SULT1A1: variants seen among roughly 807,000 people sequenced by gnomAD.
SULT1A1 encodes the protein sulfotransferase family 1A member 1.
In SULT1A1, 35 loss-of-function variants were observed where a neutral mutation model predicts 36.8. The ratio of observed to expected loss-of-function variants is 0.95; its 90% CI spans 0.73 to 1.26. SULT1A1 has a LOEUF of 1.26. Ranked by LOEUF, SULT1A1 falls within the 50% of genes most tolerant of loss-of-function variation. SULT1A1 has a pLI of 0.00. For synonymous variants in SULT1A1, 119 were observed against 146.0 expected (o/e 0.82, Z 1.33); for missense variants, 309 against 383.0 (o/e 0.81, Z 1.61).
At chr16:28,619,132 C>A (rs187222379) in intron 2 of SULT1A1, among the ~76,000 whole-genome samples, 150 of 152,244 alleles carry the variant, frequency 9.9e-4, no homozygotes, top group Non-Finnish European at 1.0e-3. Flanking sequence ...CCTGCCTCAG[C>A]CTACTGAGTA....
chr16:28,605,474 G>T lies in SULT1A1; in HGVS notation c.*347C>A, dbSNP rs1596620569. 27 of 403,006 alleles carry T rather than the reference G, an allele frequency of 6.7e-5. No individual in the cohort carries two copies. Among genetic ancestry groups the T allele is most frequent in the South Asian group, 6.3e-4 (27 of 42,886 alleles). 25.0% of individuals were successfully genotyped at this position (403,006 alleles called of 1,614,324 possible). ...TTTTGTAGGGATGATGTCTTGTAAT[G>T]TTGAACAGGCTGGTCCCAAACTCCT... On this transcript the variant is annotated 3_prime_UTR_variant, in exon 8 of 8. Coordinates refer to ENST00000314752, the MANE Select transcript of SULT1A1 (RefSeq NM_001055.4).
intron 1 of SULT1A1, chr16:28,609,472 A>C: frequency 8.4e-7 from 1 of 1,184,116 alleles, no homozygotes; most frequent in Non-Finnish European, 1.1e-6. Context: ...ATGACTCAGC[A>C]AAAGCACAGG....
rs774603473 is a variant in SULT1A1, at chr16:28,606,079, C to T, written c.752G>A (p.Ser251Asn). ...ACCTTTCCTCATGAAGGGGGAGATGCTGTGGTCCATGAACTCCTGGGGGAC... is the reference window on the plus strand; with the variant it reads ...ACCTTTCCTCATGAAGGGGGAGATGTTGTGGTCCATGAACTCCTGGGGGAC... Reference protein sequence around the residue: ...TTVPQEFMDHSISPFMRKGMA... With the variant: ...TTVPQEFMDHNISPFMRKGMA... The change falls in exon 7 of 8, where the codon AGC becomes AAC. Residue 251 changes from serine to asparagine, a missense_variant. Around this residue, in one of 3 missense-constraint regions of SULT1A1, gnomAD observed 67 missense variants for 122.0 expected, o/e 0.55. Transcript: ENST00000314752. 8.8e-6 allele frequency: 13 copies of T among 1,474,302 alleles called. 1 individual carries two copies. Among genetic ancestry groups the T allele is most frequent in the Non-Finnish European group, 1.2e-5 (13 of 1,092,388 alleles). The allele number at this position is 1,474,302 out of a possible 1,614,324, so 91.3% of individuals were successfully genotyped here. A position where few individuals can be genotyped will look rare whatever the true frequency, so the allele number is the denominator to read the frequency against.
At chr16:28,621,837 A>T in intron 1 of SULT1A1, among the ~76,000 whole-genome samples, 1 of 152,074 alleles carries the variant, frequency 6.6e-6, no homozygotes, top group Non-Finnish European at 1.5e-5. Context: ...GGCCACAGGG[A>T]CCCTCCTGTG....
At chr16:28,621,169 C>T (rs1228807863) in intron 1 of SULT1A1, among the ~76,000 whole-genome samples, 1 of 150,908 alleles carries the variant, frequency 6.6e-6, no homozygotes, top group Non-Finnish European at 1.5e-5. Context: ...TAGTTGTTTC[C>T]TCATTTGTAA....
intron 1 of SULT1A1, among the ~76,000 whole-genome samples, chr16:28,621,293 CA>C (rs990625975): frequency 1.3e-4 from 20 of 151,472 alleles, no homozygotes; most frequent in African/African-American, 4.1e-4. Flanking sequence ...ACGACCCTGG[CA>C]AACATGGTGA....
At chr16:28,606,466 C>T (rs1246219108) in intron 6 of SULT1A1, among the ~76,000 whole-genome samples, 1 of 151,850 alleles carries the variant, frequency 6.6e-6, no homozygotes, top group East Asian at 1.9e-4. Context: ...CCGTGATGGT[C>T]TTCTTCTGTG....
At chr16:28,616,628 G>T (rs1179986407) in intron 2 of SULT1A1, among the ~76,000 whole-genome samples, 4 of 151,944 alleles carry the variant, frequency 2.6e-5, no homozygotes, top group Non-Finnish European at 5.9e-5. Context: ...TTGCTATGTT[G>T]CCCAAGCTGG....
At chr16:28,617,529 G>GTTTCT (rs928946797) in intron 2 of SULT1A1, among the ~76,000 whole-genome samples, 3 of 151,646 alleles carry the variant, frequency 2.0e-5, no homozygotes, top group Non-Finnish European at 4.4e-5. Context: ...CTGGAAGACA[G>GTTTCT]TTTCTTTTCT....
chr16:28,610,661 T>C (rs1292499390), upstream of SULT1A1: 1 of 160,010 alleles, frequency 6.2e-6, no homozygotes, highest in Non-Finnish European at 1.4e-5. Context: ...CCCAGCTTCA[T>C]GGCTCCTGGG....
chr16:28,606,224 C>T lies in SULT1A1; in HGVS notation c.607G>A (p.Glu203Lys). Reference sequence around the variant, plus strand: ...ACAAACTCCAGGATCTTTTGAATCTCCCTTTTCGGGTTCTGAGCAGCAGAG... The same window carrying T: ...ACAAACTCCAGGATCTTTTGAATCTTCCTTTTCGGGTTCTGAGCAGCAGAG... Reference protein sequence around the residue: ...YEDMKENPKREIQKILEFVGR... With the variant: ...YEDMKENPKRKIQKILEFVGR... Residue 203 changes from glutamate to lysine, a missense_variant, in exon 7 of 8, where the codon GAG (glutamate) becomes AAG (lysine). Glu to Lys is a moderately conservative substitution (Grantham distance 56, BLOSUM62 1). Around this residue, in one of 3 missense-constraint regions of SULT1A1, gnomAD observed 219 missense variants for 215.3 expected, o/e 1.02. Coordinates refer to ENST00000314752, the MANE Select transcript of SULT1A1 (RefSeq NM_001055.4). The T allele has an allele frequency of 6.2e-7, 1 of 1,610,126 alleles. No homozygotes were observed. Among genetic ancestry groups the T allele is most frequent in the Non-Finnish European group, 8.5e-7 (1 of 1,177,206 alleles).
chr16:28,605,604 G>T lies in SULT1A1; in HGVS notation c.*217C>A, dbSNP rs1207212575. On this transcript the variant is annotated 3_prime_UTR_variant, in exon 8 of 8. Coordinates refer to ENST00000314752, the MANE Select transcript of SULT1A1 (RefSeq NM_001055.4). ...ATATTTTATTCTCTTTTTAAAAATT[G>T]GTTTTATTTTATTTTATTTTTTTAA... 8 of 789,478 alleles carry T rather than the reference G, an allele frequency of 1.0e-5. No individual in the cohort carries two copies. In the South Asian group the frequency reaches 1.5e-4, roughly 15 times the overall value. 48.9% of individuals were successfully genotyped at this position (789,478 alleles called of 1,614,324 possible).
chr16:28,609,528 C>G, intron 1 of SULT1A1: 8 of 723,032 alleles, frequency 1.1e-5, no homozygotes, highest in Non-Finnish European at 1.6e-5. Context: ...CCTAGGGAGG[C>G]TGAGGCCAGG....
At chr16:28,618,409 G>A (rs1366460038) in intron 2 of SULT1A1, among the ~76,000 whole-genome samples, 2 of 146,270 alleles carry the variant, frequency 1.4e-5, no homozygotes, top group Admixed American at 1.4e-4. Flanking sequence ...GCAGTGGCGT[G>A]ATATCGGCTT....
intron 1 of SULT1A1, among the ~76,000 whole-genome samples, chr16:28,622,318 C>T (rs1387883856): frequency 1.3e-5 from 2 of 152,062 alleles, no homozygotes; most frequent in Non-Finnish European, 2.9e-5. Context: ...GGGAATGAAC[C>T]CCGGTATTTT....
intron 1 of SULT1A1, 103 bp from the exon 2 acceptor site, chr16:28,608,962 G>A (rs2047340477): frequency 3.7e-6 from 6 of 1,603,220 alleles, no homozygotes; most frequent in Non-Finnish European, 2.6e-6. Flanking sequence ...TAGGGAGGCT[G>A]AGTGACTTGC....
chr16:28,618,567 A>C (rs1249051303), intron 2 of SULT1A1, among the ~76,000 whole-genome samples: 5 of 151,422 alleles, frequency 3.3e-5, no homozygotes, highest in Non-Finnish European at 5.9e-5. Context: ...GATGGTCTCG[A>C]TCTCCCGACC....
At position 28,623,013 on chromosome 16, in the gene SULT1A1, C is replaced by G. The variant is rs943013784; in HGVS notation, c.67+118G>C. Reference sequence around the variant, plus strand: ...CAGCTCCGGTCTCAGAGCCCCGGCTCCTGCCCGGGTCCCCAGGCTCCTGCA... The same window carrying G: ...CAGCTCCGGTCTCAGAGCCCCGGCTGCTGCCCGGGTCCCCAGGCTCCTGCA... On this transcript the variant is annotated intron_variant, in intron 1 of 5. Transcript: ENST00000350842. The G allele has an allele frequency of 2.9e-6, 4 of 1,361,250 alleles. No individual in the cohort carries two copies. In the African/African-American group the frequency reaches 5.9e-5, roughly 20 times the overall value. The allele number at this position is 1,361,250 out of a possible 1,614,324, so 84.3% of individuals were successfully genotyped here.
rs543595517 is a variant in SULT1A1, at chr16:28,606,544, C to T, written c.594+217G>A. On this transcript the variant is annotated intron_variant, in intron 6 of 7. Coordinates refer to ENST00000314752, the MANE Select transcript of SULT1A1 (RefSeq NM_001055.4). ...TAGGACTAAGTTTCTGATCCGTGGC[C>T]CCCCATGCAGCTGACTCAGGTGCGA... Among the ~76,000 whole-genome samples the T allele has an allele frequency of 1.8e-3, 269 of 151,808 alleles. 1 individual carries two copies. The highest frequency in any genetic ancestry group is 5.9e-3 in the African/African-American group (246 of 41,348).
Sources: gnomAD v4.1 joint callset for allele counts (sites outside exome capture counted in the v4.1 genomes callset) on GRCh38, gnomAD v4.1.1 for gene constraint, gnomAD v4.1.1 regional missense constraint, MANE v1.5 for transcripts, NCBI Gene and HGNC (gene_info 2026-07-23, HGNC 2026-07-21) for gene names.